LYST: variants seen among roughly 807,000 people sequenced by gnomAD.
LYST encodes lysosomal-trafficking regulator.
A neutral mutation model predicts 413.6 loss-of-function variants in LYST; 192 were observed. The ratio of observed to expected loss-of-function variants is 0.46; its 90% CI spans 0.41 to 0.52. The LOEUF is 0.52. Among genes scored for constraint, LYST ranks in the 20% least tolerant of loss-of-function variants. LYST has a pLI of 0.00. For missense variants in LYST, 3,815 were observed against 4,499.9 expected (o/e 0.85, Z 4.35); for synonymous variants, 1,525 against 1,567.3 (o/e 0.97, Z 0.64).
chr1:235,686,767 T>C lies in LYST; in HGVS notation c.10800+182A>G, dbSNP rs1660255372. Among the ~76,000 whole-genome samples the C allele has an allele frequency of 6.6e-6, 1 of 152,224 alleles. No homozygotes were observed. Among genetic ancestry groups the C allele is most frequent in the Non-Finnish European group, 1.5e-5 (1 of 68,038 alleles). Reference sequence around the variant, plus strand: ...CTGAAAAAAAATGGGACTACTACAATTGTTTTCAAGATTTTTCATGATTCT... The same window carrying C: ...CTGAAAAAAAATGGGACTACTACAACTGTTTTCAAGATTTTTCATGATTCT... On this transcript the variant is annotated intron_variant, in intron 48 of 52. Coordinates refer to ENST00000389793, the MANE Select transcript of LYST (RefSeq NM_000081.4). This position sits in a 1 kb window ranked among gnomAD's most constrained non-coding sequence, Gnocchi z 4.0.
Position 235,665,341 on chromosome 1 carries a change from G to A in LYST, c.11039-720C>T, listed in dbSNP as rs374950366. 7.9e-5 allele frequency among the ~76,000 whole-genome samples: 12 copies of A among 152,158 alleles called. No individual in the cohort carries two copies. The East Asian group carries it at 2.3e-3, about 29-fold the overall frequency. ...AAGAAGTGACTTGGCCAGGCGTGGTGCCTCATGCCTGTAATCCCAGCACTT... is the reference window on the plus strand; with the variant it reads ...AAGAAGTGACTTGGCCAGGCGTGGTACCTCATGCCTGTAATCCCAGCACTT... On this transcript the variant is annotated intron_variant, in intron 50 of 52. Transcript: ENST00000389793.
At chr1:235,798,615 A>C (rs867913787) in intron 10 of LYST, among the ~76,000 whole-genome samples, 1 of 135,718 alleles carries the variant, frequency 7.4e-6, no homozygotes, top group East Asian at 2.0e-4. Context: ...AAAAAAAAAA[A>C]ACACTGAAAA....
chr1:235,734,444 G>A (rs2103224430), intron 32 of LYST, 39 bp downstream of exon 32: 2 of 1,502,708 alleles, frequency 1.3e-6, no homozygotes, highest in South Asian at 1.1e-5. Context: ...TATCTATGAT[G>A]GAATCTCCTA....
rs34160788 is a variant in LYST, at chr1:235,746,451, A to G, written c.7857T>C (p.His2619=). The G allele has an allele frequency of 5.2e-3, 8,352 of 1,613,916 alleles. 339 individuals carry two copies. The African/African-American group carries it at 0.094, about 18-fold the overall frequency. The part of the protein sequence containing the change: ...KMRSVANDEL[H]VMMQRRMSQE... ...GGCTCATTCTCCGTTGCATCATCAC[A>G]TGAAGCTCATCATTTGCCACTGAAC... The change falls in exon 29 of 53, where the codon CAT becomes CAC. Residue 2619 remains histidine (H), a synonymous_variant. Transcript: ENST00000389793.
chr1:235,791,639 A>T (rs895429612), intron 12 of LYST, 60 bp downstream of exon 12: 1 of 1,422,778 alleles, frequency 7.0e-7, no homozygotes, highest in Non-Finnish European at 9.8e-7. Context: ...TTACGGCTCA[A>T]GGAAAATTAT....
chr1:235,840,697 T>C (rs1357253237), intron 1 of LYST, among the ~76,000 whole-genome samples: 1 of 152,218 alleles, frequency 6.6e-6, no homozygotes, highest in African/African-American at 2.4e-5. Context: ...ATGGTCAATC[T>C]TGAACACATA....
At chr1:235,780,417 T>A (rs188346548) in intron 16 of LYST, among the ~76,000 whole-genome samples, 16,207 of 150,114 alleles carry the variant, frequency 0.11, 928 homozygotes, top group Middle Eastern at 0.17. Context: ...AAAAAAAAAA[T>A]AAAAAATAAA....
chr1:235,722,732 C>T (rs1663494539), intron 39 of LYST, among the ~76,000 whole-genome samples: 1 of 152,182 alleles, frequency 6.6e-6, no homozygotes, highest in Non-Finnish European at 1.5e-5. Flanking sequence ...GATCTGCCCG[C>T]CTCGGCCTCC....
intron 20 of LYST, among the ~76,000 whole-genome samples, chr1:235,768,978 T>G (rs934605854): frequency 6.6e-6 from 1 of 152,040 alleles, no homozygotes; most frequent in Non-Finnish European, 1.5e-5. Context: ...ATTTATCAGA[T>G]GCCCAGGTGT....
At chr1:235,689,931 T>G (rs1427249161) in intron 47 of LYST, among the ~76,000 whole-genome samples, 1 of 152,224 alleles carries the variant, frequency 6.6e-6, no homozygotes, top group Non-Finnish European at 1.5e-5. Context: ...TTTGTACTGG[T>G]GAAAATAAAT....
intron 4 of LYST, among the ~76,000 whole-genome samples, chr1:235,811,778 T>G (rs1572343993): frequency 6.6e-6 from 1 of 151,950 alleles, no homozygotes; most frequent in East Asian, 1.9e-4. Context: ...TCTGACAAAT[T>G]CCACCCAAGC....
intron 44 of LYST, among the ~76,000 whole-genome samples, chr1:235,708,235 G>T (rs955567214): frequency 6.6e-6 from 1 of 152,054 alleles, no homozygotes; most frequent in Non-Finnish European, 1.5e-5. Context: ...TTTCTGGATG[G>T]TGATATTAAA....
At chr1:235,740,521 T>C (rs1665277851) in intron 31 of LYST, among the ~76,000 whole-genome samples, 1 of 152,178 alleles carries the variant, frequency 6.6e-6, no homozygotes, top group African/African-American at 2.4e-5. Context: ...CAGATTGTAC[T>C]CCTTTGTGTT....
At chr1:235,868,516 G>A (rs868704931), upstream of LYST, among the ~76,000 whole-genome samples, 17 of 152,112 alleles carry the variant, frequency 1.1e-4, 1 homozygote, top group Middle Eastern at 6.8e-3. Context: ...TAAGTAACAA[G>A]CCAGTTTCTG....
chr1:235,867,757 G>T (rs935960595), upstream of LYST, among the ~76,000 whole-genome samples: 3 of 152,202 alleles, frequency 2.0e-5, no homozygotes, highest in Non-Finnish European at 2.9e-5. Context: ...CACTGAGACA[G>T]CAACGCCAGA....
chr1:235,743,683 T>C lies in LYST; in HGVS notation c.8151+296A>G, dbSNP rs2753329. Among the ~76,000 whole-genome samples the C allele has an allele frequency of 0.3, 46,058 of 152,020 alleles. 9,091 individuals carry two copies. Among genetic ancestry groups the C allele is most frequent in the East Asian group, 0.78 (4,014 of 5,168 alleles). On this transcript the variant is annotated intron_variant, in intron 30 of 52. Transcript: ENST00000389793. ...AAATAGTTCATGTAAACTCCCATAG[T>C]AGTCATCAATGATGATGATCTACTC...
rs1205776584 is a variant in LYST at position 235,813,101 on chromosome 1, A to G, written c.193-40T>C. On this transcript the variant is annotated intron_variant, in intron 3 of 52. Transcript: ENST00000389793. ...AAAGAATCCTTCATGTTCTAAGGCG[A>G]TAAGACACATCAGTTCCTAATGTCT... 5 of 1,141,816 alleles carry G rather than the reference A, an allele frequency of 4.4e-6. No homozygotes were observed. In the Admixed American group the frequency reaches 5.1e-5, roughly 12 times the overall value. 70.7% of individuals were successfully genotyped at this position (1,141,816 alleles called of 1,614,324 possible). A position where few individuals can be genotyped will look rare whatever the true frequency, so the allele number is the denominator to read the frequency against.
intron 3 of LYST, chr1:235,829,159 C>T: frequency 6.6e-6 from 1 of 152,286 alleles, no homozygotes; most frequent in Non-Finnish European, 1.5e-5. Flanking sequence ...GCCGAGATTG[C>T]ACCACTGCAC....
rs756613015 is a variant in LYST at position 235,697,222 on chromosome 1, G to A, written c.10425C>T (p.Ser3475=). The A allele has an allele frequency of 8.1e-6, 13 of 1,613,852 alleles. No homozygotes were observed. The highest frequency in any genetic ancestry group is 6.7e-5 in the African/African-American group (5 of 74,870). The part of the protein sequence containing the change: ...KGLKWGEYVG[S]PSAPVPVVCF... ...AGACCACAGGTACTGGAGCACTGGG[G>A]GAACCCACGTATTCCCCCCATTTCA... Residue 3475 remains serine, a synonymous_variant, in exon 46 of 53, where the codon TCC becomes TCT. Coordinates refer to ENST00000389793, the MANE Select transcript of LYST (RefSeq NM_000081.4).
Sources: allele counts gnomAD v4.1 joint callset (sites outside exome capture counted in the v4.1 genomes callset), GRCh38; gene constraint gnomAD v4.1.1; non-coding constraint Gnocchi (gnomAD v3.1); transcripts MANE v1.5; gene names NCBI Gene and HGNC (gene_info 2026-07-23, HGNC 2026-07-21).